The following ZSCAN25 variants were observed in gnomAD, a reference collection of about 807,000 sequenced individuals.
ZSCAN25 encodes zinc finger and SCAN domain-containing protein 25.
A neutral mutation model predicts 38.7 loss-of-function variants in ZSCAN25; 27 were observed. That is an observed-to-expected ratio of 0.70 (90% CI 0.51 to 0.96). The LOEUF is 0.96. ZSCAN25 is among the 40% of genes least tolerant of loss of function. The probability of loss-of-function intolerance (pLI) is 0.00; values close to 1 mark genes in which losing one functional copy is unlikely to be tolerated. For missense variants in ZSCAN25, 637 were observed against 705.9 expected (o/e 0.90, Z 1.11); for synonymous variants, 273 against 277.7 (o/e 0.98, Z 0.17).
At chr7:99,669,212 C>T in the ZSCAN25 span, among the ~76,000 whole-genome samples, 2 of 152,162 alleles carry the variant, frequency 1.3e-5, no homozygotes, top group Non-Finnish European at 2.9e-5. Flanking sequence ...AATAGCGAAG[C>T]ACTCTGCTTA....
At chr7:99,710,347 A>G in the ZSCAN25 span, among the ~76,000 whole-genome samples, 3 of 152,216 alleles carry the variant, frequency 2.0e-5, no homozygotes. Flanking sequence ...CAACCTGCAC[A>G]GCGCACCCAG....
chr7:99,691,877 G>C, the ZSCAN25 span, among the ~76,000 whole-genome samples: 1 of 152,038 alleles, frequency 6.6e-6, no homozygotes, highest in Non-Finnish European at 1.5e-5. Flanking sequence ...TTTAATTGGG[G>C]CATTTAGCCC....
At chr7:99,663,271 A>G in the ZSCAN25 span, 1 of 1,006,236 alleles carries the variant, frequency 9.9e-7, no homozygotes, top group Non-Finnish European at 1.2e-6. Context: ...GTATAGATTA[A>G]TCTCCTGACA....
At chr7:99,727,444 T>A in the ZSCAN25 span, among the ~76,000 whole-genome samples, 1 of 152,142 alleles carries the variant, frequency 6.6e-6, no homozygotes, top group Non-Finnish European at 1.5e-5. Context: ...CAATACCCAC[T>A]CTCTGTTGAG....
chr7:99,675,017 T>C, the ZSCAN25 span, among the ~76,000 whole-genome samples: 1 of 152,372 alleles, frequency 6.6e-6, no homozygotes, highest in East Asian at 1.9e-4. Flanking sequence ...ATTTATCTCA[T>C]GTGCTCTCTC....
chr7:99,648,829 T>G, the ZSCAN25 span, among the ~76,000 whole-genome samples: 1 of 152,142 alleles, frequency 6.6e-6, no homozygotes, highest in African/African-American at 2.4e-5. Context: ...ACAGTTTAAT[T>G]ATGTGGGCAG....
At chr7:99,676,607 T>G in the ZSCAN25 span, 1 of 1,294,674 alleles carries the variant, frequency 7.7e-7, no homozygotes, top group Non-Finnish European at 1.0e-6. Flanking sequence ...TTTTTTTGTC[T>G]TTTGCACTGA....
chr7:99,658,511 A>C, the ZSCAN25 span, among the ~76,000 whole-genome samples: 1 of 151,992 alleles, frequency 6.6e-6, no homozygotes, highest in South Asian at 2.1e-4. Context: ...GGCTGCCCTT[A>C]ACATTTTTTC....
At chr7:99,648,093 C>A in the ZSCAN25 span, 2 of 1,162,130 alleles carry the variant, frequency 1.7e-6, no homozygotes, top group Non-Finnish European at 2.1e-6. Flanking sequence ...ACCTATCTGT[C>A]ACTTACCTGG....
At chr7:99,677,102 A>G in the ZSCAN25 span, 1 of 869,236 alleles carries the variant, frequency 1.2e-6, no homozygotes. Context: ...CTCTGAGGAA[A>G]AACCCATTAA....
At chr7:99,669,558 A>G in the ZSCAN25 span, among the ~76,000 whole-genome samples, 2 of 152,214 alleles carry the variant, frequency 1.3e-5, no homozygotes, top group African/African-American at 4.8e-5. Context: ...ACCAGACTAT[A>G]GCCAGGAGAA....
At chr7:99,679,305 C>G in the ZSCAN25 span, among the ~76,000 whole-genome samples, 1 of 151,928 alleles carries the variant, frequency 6.6e-6, no homozygotes, top group African/African-American at 2.4e-5. Context: ...TCCCCTGGTG[C>G]GTTATGTAAA....
the ZSCAN25 span, among the ~76,000 whole-genome samples, chr7:99,654,836 A>G: frequency 5.3e-5 from 8 of 152,212 alleles, no homozygotes; most frequent in African/African-American, 1.9e-4. Context: ...ATGGCCAGTG[A>G]TGATGAACAT....
chr7:99,734,525 CTTT>C, the ZSCAN25 span, among the ~76,000 whole-genome samples: 2 of 152,108 alleles, frequency 1.3e-5, no homozygotes, highest in African/African-American at 4.8e-5. Flanking sequence ...TTATTTATTC[CTTT>C]ATAGATCTGC....
chr7:99,681,444 C>T, the ZSCAN25 span, among the ~76,000 whole-genome samples: 4 of 152,138 alleles, frequency 2.6e-5, no homozygotes, highest in Non-Finnish European at 4.4e-5. Context: ...CAAGGGTTCC[C>T]TTTTCTCCAC....
chr7:99,720,921 T>G, the ZSCAN25 span: 1 of 165,000 alleles, frequency 6.1e-6, no homozygotes, highest in South Asian at 1.6e-4. Context: ...ATGTTGCCTG[T>G]ATGGGCCATG....
chr7:99,674,579 A>G, the ZSCAN25 span: 1 of 1,613,458 alleles, frequency 6.2e-7, no homozygotes, highest in Non-Finnish European at 8.5e-7. Flanking sequence ...TCAAATTTCC[A>G]GAGACCCTGG....
rs1432261633 is a variant in ZSCAN25, at chr7:99,631,921, C to G, written c.*1901C>G. ...TTTTCCCCCGTAATTATCAGAGCAGCTAGGCAGGGCTGACAGCCAGGCAGA... is the reference window on the plus strand; with the variant it reads ...TTTTCCCCCGTAATTATCAGAGCAGGTAGGCAGGGCTGACAGCCAGGCAGA... On this transcript the variant is annotated 3_prime_UTR_variant, in exon 8 of 8. Coordinates refer to ENST00000394152, the MANE Select transcript of ZSCAN25 (RefSeq NM_145115.3). 2 of 985,372 alleles carry G rather than the reference C, an allele frequency of 2.0e-6. No homozygotes were observed. Among genetic ancestry groups the G allele is most frequent in the Non-Finnish European group, 2.4e-6 (2 of 829,980 alleles). The allele number at this position is 985,372 out of a possible 1,614,324, so 61.0% of individuals were successfully genotyped here.
chr7:99,714,783 C>G, the ZSCAN25 span: 2 of 1,543,700 alleles, frequency 1.3e-6, no homozygotes, highest in South Asian at 2.3e-5. Flanking sequence ...GAGTGAAATA[C>G]ATCAGTGTTC....
Sources: allele counts gnomAD v4.1 joint callset (sites outside exome capture counted in the v4.1 genomes callset), GRCh38; gene constraint gnomAD v4.1.1; transcripts MANE v1.5; gene names NCBI Gene and HGNC (gene_info 2026-07-23, HGNC 2026-07-21).